Variants in ATP6V1A observed in about 807,000 individuals in gnomAD.
ATP6V1A encodes the protein V-type proton ATPase catalytic subunit A.
Under a neutral mutation model 70.1 loss-of-function variants are expected in ATP6V1A, and 18 were observed. The observed-to-expected ratio is 0.26, with a 90% CI of 0.18 to 0.38. The LOEUF (loss-of-function observed/expected upper bound fraction) is 0.38. Ranked by LOEUF, ATP6V1A falls within the 10% of genes least tolerant of loss-of-function variation. ATP6V1A has a pLI of 1.00. For synonymous variants in ATP6V1A, 232 were observed against 253.8 expected, an observed-to-expected ratio of 0.91 and a Z score of 0.82; for missense variants, 424 against 772.4, an observed-to-expected ratio of 0.55 and a Z score of 5.35.
At position 113,786,367 on chromosome 3, in the gene ATP6V1A, C is replaced by T. The variant is rs1709040319; in HGVS notation, c.700C>T (p.Leu234Phe). 6.2e-7 allele frequency: 1 copy of T among 1,613,418 alleles called. No homozygotes were observed. Among genetic ancestry groups the T allele is most frequent in the Non-Finnish European group, 8.5e-7 (1 of 1,179,620 alleles). Residue 234 changes from leucine (L) to phenylalanine (F), a missense_variant, in exon 6 of 15, where the codon CTT (leucine) becomes TTT (phenylalanine). By Grantham distance (22) the Leu-to-Phe change is conservative. Around this residue, in one of 9 missense-constraint regions of ATP6V1A, gnomAD observed 22 missense variants for 45.6 expected, o/e 0.48. Coordinates refer to ENST00000273398, the MANE Select transcript of ATP6V1A (RefSeq NM_001690.4). ...TCCTCTGTTGACTGGCCAGAGAGTC[C>T]TTGATGCCCTTTTTCCGTAAGTTTG... ...NHPLLTGQRVLDALFPCVQGG... is the reference protein window; with the variant it reads ...NHPLLTGQRVFDALFPCVQGG...
chr3:113,780,857 T>A, intron 2 of ATP6V1A, 193 bp from the exon 3 acceptor site: 1 of 1,341,166 alleles, frequency 7.5e-7, no homozygotes, highest in Non-Finnish European at 9.9e-7. Context: ...AATCTTTGGC[T>A]TACCTCTTTA....
In ATP6V1A at chr3:113,784,717, G is replaced by A. The variant is rs1345641668; in HGVS notation, c.448G>A (p.Gly150Arg). 4.3e-6 allele frequency: 7 copies of A among 1,613,772 alleles called. No individual in the cohort carries two copies. The highest frequency in any genetic ancestry group is 2.7e-5 in the African/African-American group (2 of 74,862). Residue 150 changes from glycine to arginine, a missense_variant, in exon 5 of 15, where the codon GGA becomes AGA. Physicochemically the swap from Gly to Arg is moderately radical, Grantham distance 125 (BLOSUM62 -2). Coordinates refer to ENST00000273398, the MANE Select transcript of ATP6V1A (RefSeq NM_001690.4). The stretch of plus-strand genomic sequence containing the variant: ...CTAGGTTGGTAGTCATATCACTGGC[G>A]GAGACATTTATGGAATTGTCAGTGA... ...NLRVGSHITG[G>R]DIYGIVSENS...
intron 1 of ATP6V1A, among the ~76,000 whole-genome samples, chr3:113,758,171 A>G (rs917167909): frequency 6.6e-6 from 1 of 152,206 alleles, no homozygotes; most frequent in African/African-American, 2.4e-5. Flanking sequence ...GAAATACTCT[A>G]TTAGTCAACA....
chr3:113,804,827 C>T (rs1709257098), intron 13 of ATP6V1A, among the ~76,000 whole-genome samples: 1 of 152,186 alleles, frequency 6.6e-6, no homozygotes, highest in Non-Finnish European at 1.5e-5. Context: ...TATTTGTTCA[C>T]GTGTCTGTTA....
At chr3:113,773,399 A>G (rs1243052251) in intron 1 of ATP6V1A, among the ~76,000 whole-genome samples, 1 of 152,196 alleles carries the variant, frequency 6.6e-6, no homozygotes, top group Non-Finnish European at 1.5e-5. Context: ...GTCACTTCCT[A>G]AAGTGTGCCG....
intron 1 of ATP6V1A, among the ~76,000 whole-genome samples, chr3:113,767,552 G>A (rs994804367): frequency 8.5e-5 from 13 of 152,056 alleles, no homozygotes; most frequent in East Asian, 7.7e-4. Context: ...GGCTTCTAGC[G>A]TATACATTGA....
chr3:113,798,195 T>C, intron 11 of ATP6V1A, 48 bp from the exon 12 acceptor site: 1 of 1,591,686 alleles, frequency 6.3e-7, no homozygotes, highest in Non-Finnish European at 8.6e-7. Flanking sequence ...TTTAACTTTG[T>C]TTTTTGAGAA....
intron 11 of ATP6V1A, among the ~76,000 whole-genome samples, chr3:113,796,275 C>G (rs62268173): frequency 6.6e-6 from 1 of 151,966 alleles, no homozygotes; most frequent in African/African-American, 2.4e-5. Context: ...TGTGTAATAC[C>G]CAGAAGTTAT....
chr3:113,777,091 T>A (rs1184476594), intron 1 of ATP6V1A, among the ~76,000 whole-genome samples: 1 of 152,250 alleles, frequency 6.6e-6, no homozygotes, highest in Non-Finnish European at 1.5e-5. Context: ...ATGTATTTCA[T>A]CTCCCTCATT....
At chr3:113,797,377 C>A (rs1709164550) in intron 11 of ATP6V1A, among the ~76,000 whole-genome samples, 1 of 152,122 alleles carries the variant, frequency 6.6e-6, no homozygotes, top group Admixed American at 6.5e-5. Flanking sequence ...CTCAGCCTCC[C>A]AAGTAAGCTG....
chr3:113,780,492 G>A (rs1323450923), intron 2 of ATP6V1A, among the ~76,000 whole-genome samples: 1 of 152,172 alleles, frequency 6.6e-6, no homozygotes, highest in East Asian at 1.9e-4. Context: ...TTTTGTAGAT[G>A]TGTGTGTGAG....
At chr3:113,752,465 T>C (rs1254205833) in intron 1 of ATP6V1A, among the ~76,000 whole-genome samples, 3 of 151,972 alleles carry the variant, frequency 2.0e-5, no homozygotes, top group African/African-American at 7.2e-5. Flanking sequence ...CTATACCTTC[T>C]GTATATTTGA....
At position 113,753,352 on chromosome 3, in the gene ATP6V1A, T is replaced by A. The variant is rs180745844; in HGVS notation, c.-14+6239T>A. ...AAAATGCTAGCGGAGATGTGAAGTGTTAGAGTTTTTCCTAGTAAACAATCA... is the reference window on the plus strand; with the variant it reads ...AAAATGCTAGCGGAGATGTGAAGTGATAGAGTTTTTCCTAGTAAACAATCA... On this transcript the variant is annotated intron_variant, in intron 1 of 14. Transcript: ENST00000273398. Among the ~76,000 whole-genome samples, 274 of 152,298 alleles carry A rather than the reference T, an allele frequency of 1.8e-3. 1 individual carries two copies. Among genetic ancestry groups the A allele is most frequent in the Non-Finnish European group, 2.4e-3 (160 of 68,026 alleles).
rs1709316889 is a variant in ATP6V1A, at chr3:113,809,482, A to G, written c.*55A>G. 4 of 1,501,644 alleles carry G rather than the reference A, an allele frequency of 2.7e-6. No individual in the cohort carries two copies. In the South Asian group the frequency reaches 3.5e-5, roughly 13 times the overall value. 93.0% of individuals were successfully genotyped at this position (1,501,644 alleles called of 1,614,324 possible). On this transcript the variant is annotated 3_prime_UTR_variant, in exon 15 of 15. Coordinates refer to ENST00000273398, the MANE Select transcript of ATP6V1A (RefSeq NM_001690.4). ...TTTTCCTCAGCAAGCTCCTATGTGT[A>G]TATTTTCCTGAATTTCTCATCTCAA...
rs1436848656 is a variant in ATP6V1A at position 113,801,791 on chromosome 3, ACATAATTAAAGACACTTG to A, written c.1495-1789_1495-1772del. On this transcript the variant is annotated intron_variant, in intron 12 of 14. Coordinates refer to ENST00000273398, the MANE Select transcript of ATP6V1A (RefSeq NM_001690.4). Reference sequence around the variant, plus strand: ...ACCAAAGACACAAGTAAGAAGTTTTACATAATTAAAGACACTTGCACAAAATAAAATATATATTTTACA... The same window carrying A: ...ACCAAAGACACAAGTAAGAAGTTTTACACAAAATAAAATATATATTTTACA... Among the ~76,000 whole-genome samples, 11 of 152,348 alleles carry A rather than the reference ACATAATTAAAGACACTTG, an allele frequency of 7.2e-5. No individual in the cohort carries two copies. The East Asian group carries it at 2.1e-3, about 29-fold the overall frequency.
chr3:113,768,936 A>G (rs1577084075), intron 1 of ATP6V1A, among the ~76,000 whole-genome samples: 1 of 152,172 alleles, frequency 6.6e-6, no homozygotes, highest in East Asian at 1.9e-4. Flanking sequence ...GAAGGTCTCC[A>G]ACAGATTTTG....
At position 113,805,409 on chromosome 3, in the gene ATP6V1A, G is replaced by A. The variant is rs775348908; in HGVS notation, c.1645G>A (p.Asp549Asn). The A allele has an allele frequency of 6.2e-7, 1 of 1,613,976 alleles. No individual in the cohort carries two copies. The highest frequency in any genetic ancestry group is 8.5e-7 in the Non-Finnish European group (1 of 1,179,936). The change falls in exon 14 of 15, where the codon GAT becomes AAT. Residue 549 changes from aspartate (D) to asparagine (N), a missense_variant. Coordinates refer to ENST00000273398, the MANE Select transcript of ATP6V1A (RefSeq NM_001690.4). ...GMLSNMIAFY[D>N]MARRAVETTA... Reference sequence around the variant, plus strand: ...GCTGTCCAACATGATTGCATTTTATGATATGGCTCGTAGAGCTGTTGAAAC... The same window carrying A: ...GCTGTCCAACATGATTGCATTTTATAATATGGCTCGTAGAGCTGTTGAAAC...
intron 14 of ATP6V1A, among the ~76,000 whole-genome samples, chr3:113,806,287 A>C (rs1674047916): frequency 6.6e-6 from 1 of 152,054 alleles, no homozygotes; most frequent in East Asian, 1.9e-4. Context: ...GTCTAAAATA[A>C]ATGCTGATGT....
intron 1 of ATP6V1A, among the ~76,000 whole-genome samples, chr3:113,777,605 T>C (rs1235401302): frequency 6.6e-6 from 1 of 152,034 alleles, no homozygotes; most frequent in Non-Finnish European, 1.5e-5. Context: ...AAAATAAAAT[T>C]AGCCAGGTGT....
Sources: allele counts gnomAD v4.1 joint callset (sites outside exome capture counted in the v4.1 genomes callset), GRCh38; gene constraint gnomAD v4.1.1; regional missense constraint gnomAD v4.1.1; transcripts MANE v1.5; gene names NCBI Gene and HGNC (gene_info 2026-07-23, HGNC 2026-07-21).